The following KAZN variants were observed in gnomAD, a reference collection of about 807,000 sequenced individuals.
KAZN encodes the protein kazrin, periplakin interacting protein, also known as kazrin.
In KAZN, 40 loss-of-function variants were observed where a neutral mutation model predicts 87.4. The observed-to-expected ratio is 0.46, with a 90% CI of 0.36 to 0.60. KAZN has a LOEUF of 0.60. KAZN is among the 20% of genes least tolerant of loss of function. The pLI is 0.00. For missense variants in KAZN, 898 were observed against 1,073.9 expected (o/e 0.84, Z 2.29); for synonymous variants, 466 against 458.3 (o/e 1.02, Z -0.22).
At chr1:14,416,948 ATATGTG>A (rs1330018157) in intron 2 of KAZN, among the ~76,000 whole-genome samples, 1 of 150,224 alleles carries the variant, frequency 6.7e-6, no homozygotes. Flanking sequence ...GTGAGCGTGT[ATATGTG>A]TATGTGTGTA....
At chr1:14,892,126 C>A (rs1654784493) in intron 1 of KAZN, among the ~76,000 whole-genome samples, 2 of 152,120 alleles carry the variant, frequency 1.3e-5, no homozygotes, top group African/African-American at 4.8e-5. Flanking sequence ...GGGATGGTGA[C>A]CCTGCCGTCA....
At chr1:14,268,824 C>T (rs1037123109) in intron 2 of KAZN, among the ~76,000 whole-genome samples, 3 of 152,198 alleles carry the variant, frequency 2.0e-5, no homozygotes, top group African/African-American at 4.8e-5. Flanking sequence ...TTTGGAATGC[C>T]TGCAATGTTT....
intron 2 of KAZN, among the ~76,000 whole-genome samples, chr1:14,282,031 A>G (rs895177755): frequency 1.3e-5 from 2 of 152,188 alleles, no homozygotes; most frequent in African/African-American, 2.4e-5. Flanking sequence ...TTCTGTTTTT[A>G]TCTCTTACAT....
chr1:14,870,542 T>C (rs967318604), intron 1 of KAZN, among the ~76,000 whole-genome samples: 24 of 152,180 alleles, frequency 1.6e-4, no homozygotes, highest in Admixed American at 2.6e-4. Context: ...GGTTTCTCCA[T>C]GTTGGCCAGG....
In KAZN at chr1:14,444,530, T is replaced by G. The variant is rs143735660; in HGVS notation, c.250-154453T>G. On this transcript the variant is annotated intron_variant, in intron 2 of 16. Transcript: ENST00000636203. ...TTTCTCCATGTTGGTCAGGCTGGTCTCAAAACTCCTAACCTCAGGTGATCT... is the reference window on the plus strand; with the variant it reads ...TTTCTCCATGTTGGTCAGGCTGGTCGCAAAACTCCTAACCTCAGGTGATCT... Among the ~76,000 whole-genome samples, 358 of 152,212 alleles carry G rather than the reference T, an allele frequency of 2.4e-3. 1 individual carries two copies. The highest frequency in any genetic ancestry group is 4.2e-3 in the Non-Finnish European group (286 of 68,004).
intron 2 of KAZN, among the ~76,000 whole-genome samples, chr1:14,425,561 T>A (rs1450493092): frequency 1.3e-5 from 2 of 152,184 alleles, no homozygotes; most frequent in Non-Finnish European, 2.9e-5. Flanking sequence ...ATGCATGGGC[T>A]CTTGAATCAG....
chr1:14,811,243 G>A (rs57044337), intron 1 of KAZN, among the ~76,000 whole-genome samples: 7,950 of 144,830 alleles, frequency 0.055, 750 homozygotes, highest in East Asian at 0.47. Flanking sequence ...TTTCTCTTGT[G>A]GTATTTATGT....
intron 2 of KAZN, among the ~76,000 whole-genome samples, chr1:14,388,791 A>C (rs1035564815): frequency 2.0e-5 from 3 of 152,224 alleles, no homozygotes; most frequent in African/African-American, 7.2e-5. Context: ...TGGACTGGGC[A>C]AAGATTTCTT....
intron 1 of KAZN, among the ~76,000 whole-genome samples, chr1:14,648,740 G>A (rs1379301663): frequency 6.6e-6 from 1 of 152,198 alleles, no homozygotes; most frequent in Non-Finnish European, 1.5e-5. Context: ...GAGATTGGGA[G>A]TCCCTGCTGT....
At chr1:14,551,275 A>C (rs1008034982) in intron 2 of KAZN, among the ~76,000 whole-genome samples, 4 of 152,158 alleles carry the variant, frequency 2.6e-5, no homozygotes, top group Admixed American at 6.5e-5. Context: ...CACTGATCAC[A>C]GGGAAAATTA....
chr1:13,939,077 A>C (rs1377723089), intron 1 of KAZN, among the ~76,000 whole-genome samples: 1 of 152,214 alleles, frequency 6.6e-6, no homozygotes, highest in Non-Finnish European at 1.5e-5. Flanking sequence ...TGTCTTGGCT[A>C]TCAGCACCTA....
chr1:15,082,646 G>A (rs1440389698), intron 8 of KAZN, among the ~76,000 whole-genome samples: 2 of 152,196 alleles, frequency 1.3e-5, no homozygotes, highest in Non-Finnish European at 2.9e-5. Context: ...GGTGGGCATA[G>A]GAGAATTTAC....
At chr1:14,432,749 C>T (rs969357573) in intron 2 of KAZN, among the ~76,000 whole-genome samples, 5 of 151,990 alleles carry the variant, frequency 3.3e-5, no homozygotes, top group Non-Finnish European at 5.9e-5. Context: ...CAAGAGGTCC[C>T]GGTGTGTGTT....
chr1:14,590,431 C>T (rs1324757775), intron 2 of KAZN, among the ~76,000 whole-genome samples: 1 of 151,956 alleles, frequency 6.6e-6, no homozygotes, highest in African/African-American at 2.4e-5. Flanking sequence ...GATGACTTCA[C>T]GTATTAGAGG....
intron 1 of KAZN, among the ~76,000 whole-genome samples, chr1:14,814,222 T>A (rs202031686): frequency 6.6e-6 from 1 of 152,008 alleles, no homozygotes; most frequent in Admixed American, 6.6e-5. Flanking sequence ...CTGGATCTTT[T>A]TTATTATTAT....
At chr1:15,083,100 G>A (rs1049757565) in intron 8 of KAZN, among the ~76,000 whole-genome samples, 1 of 152,098 alleles carries the variant, frequency 6.6e-6, no homozygotes, top group African/African-American at 2.4e-5. Flanking sequence ...CCACTGGGTG[G>A]GAGGCCCAGG....
intron 2 of KAZN, among the ~76,000 whole-genome samples, chr1:14,399,606 C>T (rs940984860): frequency 3.3e-5 from 5 of 152,032 alleles, no homozygotes; most frequent in Non-Finnish European, 7.4e-5. Context: ...GGTTTAGTCA[C>T]GTAACCATCT....
intron 1 of KAZN, among the ~76,000 whole-genome samples, chr1:14,732,972 CT>C (rs1349658307): frequency 6.6e-6 from 1 of 152,058 alleles, no homozygotes; most frequent in Non-Finnish European, 1.5e-5. Context: ...CCTCCTTCCC[CT>C]ATGTTCACGG....
intron 2 of KAZN, among the ~76,000 whole-genome samples, chr1:14,487,747 T>A (rs1186410623): frequency 6.6e-6 from 1 of 152,216 alleles, no homozygotes; most frequent in Non-Finnish European, 1.5e-5. Flanking sequence ...GTGGTGGCAG[T>A]GCTGGTGGAC....
Sources: allele counts gnomAD v4.1 joint callset (sites outside exome capture counted in the v4.1 genomes callset), GRCh38; gene constraint gnomAD v4.1.1; transcripts MANE v1.5; gene names NCBI Gene and HGNC (gene_info 2026-07-23, HGNC 2026-07-21).